Variants in NCKAP5 observed in about 807,000 individuals in gnomAD.
The protein encoded by NCKAP5 is nck-associated protein 5.
NCKAP5 carries 92 observed loss-of-function variants against 167.0 expected under a neutral mutation model. That is an observed-to-expected ratio of 0.55 (90% CI 0.47 to 0.66). NCKAP5 has a LOEUF of 0.66. Among genes scored for constraint, NCKAP5 ranks in the 30% least tolerant of loss-of-function variants. NCKAP5 has a pLI of 0.00. For synonymous variants in NCKAP5, 891 were observed against 877.4 expected (o/e 1.02, Z -0.27); for missense variants, 2,378 against 2,315.0 (o/e 1.03, Z -0.56).
chr2:132,978,672 C>T (rs554123592), intron 7 of NCKAP5, among the ~76,000 whole-genome samples: 1 of 152,306 alleles, frequency 6.6e-6, no homozygotes, highest in Non-Finnish European at 1.5e-5. Flanking sequence ...CAGACAGAAG[C>T]TGGCCACATG....
chr2:132,782,673 G>A lies in NCKAP5; in HGVS notation c.4138C>T (p.Leu1380Phe). 6.2e-7 allele frequency: 1 copy of A among 1,613,290 alleles called. No homozygotes were observed. The highest frequency in any genetic ancestry group is 8.5e-7 in the Non-Finnish European group (1 of 1,179,554). The change falls in exon 14 of 20, where the codon CTC becomes TTC. Residue 1380 changes from leucine to phenylalanine, a missense_variant. By Grantham distance (22) the Leu-to-Phe change is conservative. Around this residue, in one of 3 missense-constraint regions of NCKAP5, gnomAD observed 1,325 missense variants for 1,274.5 expected, o/e 1.04. Coordinates refer to ENST00000409261, the MANE Select transcript of NCKAP5 (RefSeq NM_207363.3). ...LRIPPKSEGL[L>F]IPPGKEDQQA... The stretch of plus-strand genomic sequence containing the variant: ...TGGTCTTCCTTTCCAGGTGGGATGA[G>A]GAGTCCCTCAGACTTTGGAGGGATC...
chr2:132,707,707 G>A (rs183962462), intron 19 of NCKAP5, among the ~76,000 whole-genome samples: 1 of 152,316 alleles, frequency 6.6e-6, no homozygotes, highest in East Asian at 1.9e-4. Flanking sequence ...CCAGAAACGT[G>A]GCAGTGTTCT....
chr2:133,400,344 C>A (rs1477512603), intron 3 of NCKAP5, among the ~76,000 whole-genome samples: 1 of 152,034 alleles, frequency 6.6e-6, no homozygotes, highest in Non-Finnish European at 1.5e-5. Flanking sequence ...GAGAATGGGA[C>A]CTTATTTGGA....
rs778570834 is a variant in NCKAP5 at position 132,784,661 on chromosome 2, A to G, written c.2150T>C (p.Ile717Thr). ...AGCAGCTCTTGGCTGTAAACAAGCAATTCCCTGAGGTAAAAGCTCAGTATG... is the reference window on the plus strand; with the variant it reads ...AGCAGCTCTTGGCTGTAAACAAGCAGTTCCCTGAGGTAAAAGCTCAGTATG... Reference protein sequence around the residue: ...AEHTELLPQGIACLQPRAAAR... With the variant: ...AEHTELLPQGTACLQPRAAAR... Residue 717 changes from isoleucine (I) to threonine (T), a missense_variant, in exon 14 of 20, where the codon ATT (isoleucine) becomes ACT (threonine). Physicochemically the swap from Ile to Thr is moderately conservative, Grantham distance 89. Transcript: ENST00000409261. The G allele has an allele frequency of 6.2e-6, 10 of 1,613,828 alleles. No individual in the cohort carries two copies. The East Asian group carries it at 1.1e-4, about 18-fold the overall frequency.
the NCKAP5 span, among the ~76,000 whole-genome samples, chr2:133,597,095 TG>T: frequency 6.6e-6 from 1 of 152,188 alleles, no homozygotes; most frequent in African/African-American, 2.4e-5. Flanking sequence ...GTGGCATACT[TG>T]GGAAAAACCC....
intron 3 of NCKAP5, among the ~76,000 whole-genome samples, chr2:133,352,413 A>C (rs1684424774): frequency 6.6e-6 from 1 of 152,228 alleles, no homozygotes; most frequent in Non-Finnish European, 1.5e-5. Context: ...TAATGCACAA[A>C]TGCAGGAGGC....
chr2:132,707,621 G>T (rs1026767339), intron 19 of NCKAP5, among the ~76,000 whole-genome samples: 1 of 152,210 alleles, frequency 6.6e-6, no homozygotes, highest in Non-Finnish European at 1.5e-5. Context: ...TCTCCTGTGT[G>T]CCAGGCACTG....
the NCKAP5 span, among the ~76,000 whole-genome samples, chr2:133,582,668 T>G: frequency 1.3e-5 from 2 of 152,220 alleles, no homozygotes; most frequent in Non-Finnish European, 2.9e-5. Flanking sequence ...AATGTCCCCA[T>G]TTTACAGATG....
At chr2:133,631,187 A>G in the NCKAP5 span, among the ~76,000 whole-genome samples, 1 of 152,240 alleles carries the variant, frequency 6.6e-6, no homozygotes, top group Non-Finnish European at 1.5e-5. Flanking sequence ...ATTTTCAATT[A>G]TACAAATGTG....
intron 7 of NCKAP5, among the ~76,000 whole-genome samples, chr2:132,988,747 C>T (rs2077369300): frequency 6.6e-6 from 1 of 152,114 alleles, no homozygotes; most frequent in South Asian, 2.1e-4. Context: ...TAATAAAAAA[C>T]AAATGACAAA....
chr2:133,131,710 A>G (rs1369787956), intron 5 of NCKAP5, among the ~76,000 whole-genome samples: 5 of 152,194 alleles, frequency 3.3e-5, no homozygotes, highest in Admixed American at 3.3e-4. Context: ...TTGGAAAATG[A>G]CATTCTGGAA....
chr2:133,544,277 A>G (rs1328198575), intron 2 of NCKAP5, among the ~76,000 whole-genome samples: 1 of 152,224 alleles, frequency 6.6e-6, no homozygotes, highest in East Asian at 1.9e-4. Flanking sequence ...TAAAATATAT[A>G]CAAATATACA....
chr2:132,958,976 T>C (rs921988793), intron 8 of NCKAP5, among the ~76,000 whole-genome samples: 8 of 150,312 alleles, frequency 5.3e-5, no homozygotes, highest in African/African-American at 1.7e-4. Flanking sequence ...AAAAAACTGA[T>C]CTAATCCCTG....
At chr2:133,643,368 C>T in the NCKAP5 span, among the ~76,000 whole-genome samples, 1 of 152,116 alleles carries the variant, frequency 6.6e-6, no homozygotes, top group Admixed American at 6.5e-5. Flanking sequence ...TCACAGCCCA[C>T]CCCACAACTC....
At chr2:133,172,168 T>C (rs2149994638) in intron 5 of NCKAP5, among the ~76,000 whole-genome samples, 1 of 152,314 alleles carries the variant, frequency 6.6e-6, no homozygotes, top group East Asian at 1.9e-4. Context: ...AAAATATCTA[T>C]ACTTAAATAA....
rs575099495 is a variant in NCKAP5, at chr2:132,797,946, C to G, written c.808-1217G>C. The stretch of plus-strand genomic sequence containing the variant: ...CACCTCCTGAAGGATGGCACTGTGG[C>G]AGGGCTGTATTCTATCCTCCTGCAA... On this transcript the variant is annotated intron_variant, in intron 11 of 19. Transcript: ENST00000409261. Among the ~76,000 whole-genome samples, 19 of 152,244 alleles carry G rather than the reference C, an allele frequency of 1.2e-4. No individual in the cohort carries two copies. In the East Asian group the frequency reaches 3.7e-3, roughly 29 times the overall value.
chr2:132,983,295 T>C (rs1039351006), intron 7 of NCKAP5, among the ~76,000 whole-genome samples: 4 of 152,194 alleles, frequency 2.6e-5, no homozygotes, highest in African/African-American at 9.7e-5. Flanking sequence ...TGGATACCTT[T>C]TATTTCTTTA....
intron 3 of NCKAP5, among the ~76,000 whole-genome samples, chr2:133,404,662 A>G (rs1225564417): frequency 6.6e-6 from 1 of 152,212 alleles, no homozygotes; most frequent in Non-Finnish European, 1.5e-5. Flanking sequence ...GTTTTCTTTA[A>G]TTGTAAAAGC....
intron 4 of NCKAP5, among the ~76,000 whole-genome samples, chr2:133,297,494 C>T (rs191845961): frequency 7.2e-4 from 109 of 152,190 alleles, no homozygotes; most frequent in African/African-American, 2.6e-3. Context: ...CCCAAAATAA[C>T]CAGTTATCTC....
Sources: gnomAD v4.1 joint callset for allele counts (sites outside exome capture counted in the v4.1 genomes callset) on GRCh38, gnomAD v4.1.1 for gene constraint, gnomAD v4.1.1 regional missense constraint, MANE v1.5 for transcripts, NCBI Gene and HGNC (gene_info 2026-07-23, HGNC 2026-07-21) for gene names.